Variants in ADAMTS18 observed in about 807,000 individuals in gnomAD.
The protein encoded by ADAMTS18 is A disintegrin and metalloproteinase with thrombospondin motifs 18.
ADAMTS18 carries 157 observed loss-of-function variants against 165.9 expected under a neutral mutation model. That is an observed-to-expected ratio of 0.95 (90% CI 0.83 to 1.08). ADAMTS18 has a LOEUF of 1.08. ADAMTS18 is among the 50% of genes least tolerant of loss of function. The pLI, the probability that ADAMTS18 is intolerant of heterozygous loss-of-function variation, is 0.00. For missense variants in ADAMTS18, 2,040 were observed against 1,534.0 expected, an observed-to-expected ratio of 1.33 and a Z score of -5.51; for synonymous variants, 782 against 578.2, an observed-to-expected ratio of 1.35 and a Z score of -5.06.
At position 77,282,257 on chromosome 16, in the gene ADAMTS18, A is replaced by G. The variant is rs1182645482; in HGVS notation, c.*1699T>C. Reference sequence around the variant, plus strand: ...TTTATCTCAAAATATTACTTAGAGAAGCAAGTGAGAACACATAATAGGCTA... The same window carrying G: ...TTTATCTCAAAATATTACTTAGAGAGGCAAGTGAGAACACATAATAGGCTA... On this transcript the variant is annotated 3_prime_UTR_variant, in exon 23 of 23. Coordinates refer to ENST00000282849, the MANE Select transcript of ADAMTS18 (RefSeq NM_199355.4). 1 of 152,162 alleles carries G rather than the reference A, an allele frequency of 6.6e-6. No homozygotes were observed. The highest frequency in any genetic ancestry group is 1.5e-5 in the Non-Finnish European group (1 of 68,036). The allele number at this position is 152,162 out of a possible 1,614,324, so 9.4% of individuals were successfully genotyped here.
chr16:77,421,188 C>G (rs1392143384), intron 3 of ADAMTS18, among the ~76,000 whole-genome samples: 1 of 152,182 alleles, frequency 6.6e-6, no homozygotes, highest in Non-Finnish European at 1.5e-5. Flanking sequence ...AGGAATTCAG[C>G]TGAAAACGAA....
intron 3 of ADAMTS18, among the ~76,000 whole-genome samples, chr16:77,395,253 T>C (rs1330233391): frequency 6.6e-6 from 1 of 152,072 alleles, no homozygotes; most frequent in East Asian, 1.9e-4. Flanking sequence ...TAGGGAGCGT[T>C]TGTAGGGGAG....
rs116900905 is a variant in ADAMTS18, at chr16:77,409,670, C to A, written c.495+21625G>T. Among the ~76,000 whole-genome samples, 430 of 152,190 alleles carry A rather than the reference C, an allele frequency of 2.8e-3. 30 individuals are homozygous for A. The East Asian group carries it at 0.073, about 26-fold the overall frequency. On this transcript the variant is annotated intron_variant, in intron 3 of 22. Coordinates refer to ENST00000282849, the MANE Select transcript of ADAMTS18 (RefSeq NM_199355.4). ...TGGCATTTATGGTGAACCACTCTGA[C>A]GGGTCTGCTTCATCAAACAAGCCTT... is the stretch of plus-strand genomic sequence containing the variant.
chr16:77,420,999 C>T (rs1413528112), intron 3 of ADAMTS18, among the ~76,000 whole-genome samples: 1 of 152,170 alleles, frequency 6.6e-6, no homozygotes, highest in Non-Finnish European at 1.5e-5. Flanking sequence ...CTTTTACCAG[C>T]TTATCTCAAT....
intron 16 of ADAMTS18, among the ~76,000 whole-genome samples, chr16:77,305,540 G>A (rs1036001143): frequency 6.6e-6 from 1 of 152,180 alleles, no homozygotes; most frequent in African/African-American, 2.4e-5. Context: ...CTGCAGCTGG[G>A]CAGGTCCCAT....
At chr16:77,371,150 G>C (rs1402556792) in intron 3 of ADAMTS18, among the ~76,000 whole-genome samples, 1 of 152,116 alleles carries the variant, frequency 6.6e-6, no homozygotes. Context: ...GAAAGGTGGA[G>C]GCTGCAGTGG....
intron 4 of ADAMTS18, among the ~76,000 whole-genome samples, chr16:77,367,226 A>G (rs1292163865): frequency 6.6e-6 from 1 of 152,222 alleles, no homozygotes; most frequent in Non-Finnish European, 1.5e-5. Context: ...ATACTAAAAG[A>G]GTAAAAAAGA....
intron 11 of ADAMTS18, 81 bp downstream of exon 11, chr16:77,341,623 C>T (rs1597145400): frequency 8.9e-7 from 1 of 1,121,540 alleles, no homozygotes; most frequent in East Asian, 2.5e-5. Context: ...AAGCATTCAC[C>T]CTAAGGTCAC....
At chr16:77,359,874 T>C (rs898865036) in intron 7 of ADAMTS18, among the ~76,000 whole-genome samples, 1 of 152,194 alleles carries the variant, frequency 6.6e-6, no homozygotes, top group Non-Finnish European at 1.5e-5. Context: ...CATATCCTGG[T>C]CTTTTACTAG....
intron 6 of ADAMTS18, among the ~76,000 whole-genome samples, chr16:77,363,596 A>G (rs1474729097): frequency 2.0e-5 from 3 of 151,568 alleles, no homozygotes; most frequent in African/African-American, 7.3e-5. Context: ...ATATATAAAT[A>G]TATTTAAATA....
At chr16:77,406,278 A>C (rs1462147726) in intron 3 of ADAMTS18, among the ~76,000 whole-genome samples, 1 of 152,190 alleles carries the variant, frequency 6.6e-6, no homozygotes, top group East Asian at 1.9e-4. Flanking sequence ...ATAGATGCTG[A>C]AAATATAATG....
intron 11 of ADAMTS18, 114 bp from the exon 12 acceptor site, chr16:77,336,018 A>G: frequency 8.0e-7 from 1 of 1,247,106 alleles, no homozygotes; most frequent in Non-Finnish European, 1.2e-6. Context: ...GAAAAGGAAA[A>G]TGCCTGATAC....
chr16:77,369,902 A>G (rs1459636002), intron 3 of ADAMTS18, among the ~76,000 whole-genome samples: 1 of 152,174 alleles, frequency 6.6e-6, no homozygotes, highest in Non-Finnish European at 1.5e-5. Flanking sequence ...ATCGAGTGGA[A>G]TTCATCTCAG....
At chr16:77,307,377 T>G (rs1451139416) in intron 16 of ADAMTS18, among the ~76,000 whole-genome samples, 2 of 152,168 alleles carry the variant, frequency 1.3e-5, no homozygotes, top group African/African-American at 4.8e-5. Context: ...CTATTATGTG[T>G]GAGTGATTGA....
At chr16:77,344,027 A>G (rs554127099) in intron 10 of ADAMTS18, among the ~76,000 whole-genome samples, 17 of 151,746 alleles carry the variant, frequency 1.1e-4, no homozygotes, top group Admixed American at 9.9e-4. Context: ...AAATATGGCA[A>G]GAATATGCTT....
At chr16:77,360,120 A>G (rs548311408) in intron 7 of ADAMTS18, among the ~76,000 whole-genome samples, 2 of 152,286 alleles carry the variant, frequency 1.3e-5, no homozygotes, top group African/African-American at 4.8e-5. Flanking sequence ...TACCCATCTA[A>G]TATTAAATGC....
chr16:77,298,510 G>A (rs568884318), intron 17 of ADAMTS18, among the ~76,000 whole-genome samples: 1 of 152,288 alleles, frequency 6.6e-6, no homozygotes, highest in Admixed American at 6.5e-5. Flanking sequence ...ACCACATCAA[G>A]GCCGGGCACG....
At chr16:77,430,093 G>A (rs1019094382) in intron 3 of ADAMTS18, among the ~76,000 whole-genome samples, 7 of 152,104 alleles carry the variant, frequency 4.6e-5, no homozygotes, top group Non-Finnish European at 7.3e-5. Flanking sequence ...GGAATAGACA[G>A]AAGAAAGAGA....
intron 3 of ADAMTS18, among the ~76,000 whole-genome samples, chr16:77,395,301 C>G (rs753280196): frequency 5.3e-5 from 8 of 152,188 alleles, no homozygotes; most frequent in Admixed American, 2.6e-4. Context: ...GTCCTTAGGA[C>G]TGGCCTCTGA....
Sources: allele counts gnomAD v4.1 joint callset (sites outside exome capture counted in the v4.1 genomes callset), GRCh38; gene constraint gnomAD v4.1.1; transcripts MANE v1.5; gene names NCBI Gene and HGNC (gene_info 2026-07-23, HGNC 2026-07-21).